Variants in SORCS2 observed in about 807,000 individuals in gnomAD.
The protein encoded by SORCS2 is sortilin related VPS10 domain containing receptor 2.
Under a neutral mutation model 141.6 loss-of-function variants are expected in SORCS2, and 100 were observed. The ratio of observed to expected loss-of-function variants is 0.71; its 90% confidence interval spans 0.60 to 0.83. The LOEUF is 0.83. Ranked by LOEUF, SORCS2 falls within the 40% of genes least tolerant of loss-of-function variation. The pLI is 0.00. For missense variants in SORCS2, 1,646 were observed against 1,560.2 expected (o/e 1.05, Z -0.93); for synonymous variants, 789 against 676.9 (o/e 1.17, Z -2.57).
intron 11 of SORCS2, among the ~76,000 whole-genome samples, chr4:7,690,118 A>T (rs1280073573): frequency 6.9e-6 from 1 of 144,740 alleles, no homozygotes; most frequent in Non-Finnish European, 1.5e-5. Flanking sequence ...TGATGGATGG[A>T]TGATGGTGGA....
chr4:7,686,235 A>G lies in SORCS2; in HGVS notation c.1489-3251A>G, dbSNP rs76499363. Among the ~76,000 whole-genome samples the G allele has an allele frequency of 6.2e-3, 941 of 152,320 alleles. 7 individuals are homozygous for G. Among genetic ancestry groups the G allele is most frequent in the African/African-American group, 0.022 (902 of 41,564 alleles). ...TTAGGATGATTCAGCTTCATTGGAA[A>G]GTGGTTTGAATCTGTTTGCATCTTG... On this transcript the variant is annotated intron_variant, in intron 10 of 26. Coordinates refer to ENST00000507866, the MANE Select transcript of SORCS2 (RefSeq NM_020777.3).
intron 3 of SORCS2, among the ~76,000 whole-genome samples, chr4:7,536,323 C>T (rs1712124410): frequency 6.6e-6 from 1 of 152,200 alleles, no homozygotes. Context: ...GCCCGGCACA[C>T]AGTTTGATAG....
At chr4:7,319,722 C>CA (rs1400841520) in intron 1 of SORCS2, among the ~76,000 whole-genome samples, 2 of 152,008 alleles carry the variant, frequency 1.3e-5, no homozygotes, top group Non-Finnish European at 2.9e-5. Context: ...TCTAAAAAAA[C>CA]AAAAAACACA....
intron 11 of SORCS2, 62 bp downstream of exon 11, chr4:7,689,650 C>A (rs1560485498): frequency 6.9e-6 from 10 of 1,456,720 alleles, no homozygotes; most frequent in Non-Finnish European, 3.7e-6. Flanking sequence ...TACCTCCAAT[C>A]TTAAGGGTAA....
chr4:7,270,301 G>A (rs76032563), intron 1 of SORCS2, among the ~76,000 whole-genome samples: 2,189 of 152,392 alleles, frequency 0.014, 27 homozygotes, highest in Non-Finnish European at 0.023. Flanking sequence ...GCACCCGCCA[G>A]TGTGCTGCGT....
intron 2 of SORCS2, among the ~76,000 whole-genome samples, chr4:7,486,674 G>A (rs1351141651): frequency 6.6e-6 from 1 of 152,160 alleles, no homozygotes; most frequent in African/African-American, 2.4e-5. Flanking sequence ...GTGTCTGCAA[G>A]GCATGCTCCC....
intron 1 of SORCS2, among the ~76,000 whole-genome samples, chr4:7,229,929 C>G (rs983862361): frequency 6.8e-5 from 9 of 132,706 alleles, no homozygotes; most frequent in Non-Finnish European, 3.2e-5. Context: ...GTCTTCGAGT[C>G]TCTGGGCAGG....
chr4:7,242,483 G>A (rs1712770354), intron 1 of SORCS2, among the ~76,000 whole-genome samples: 1 of 151,964 alleles, frequency 6.6e-6, no homozygotes, highest in Non-Finnish European at 1.5e-5. Flanking sequence ...GGATTATAGT[G>A]TGAGCCACTG....
intron 3 of SORCS2, among the ~76,000 whole-genome samples, chr4:7,547,586 C>T (rs1713357814): frequency 6.6e-6 from 1 of 152,258 alleles, no homozygotes; most frequent in Non-Finnish European, 1.5e-5. Context: ...ACCTTCCCCA[C>T]CCCATTCTTT....
chr4:7,547,764 C>G lies in SORCS2; in HGVS notation c.648+16135C>G, dbSNP rs1355038560. Among the ~76,000 whole-genome samples the G allele has an allele frequency of 2.0e-5, 3 of 152,242 alleles. No individual in the cohort carries two copies. In the East Asian group the frequency reaches 5.8e-4, roughly 29 times the overall value. ...GACCTGCATGTGCCTGTCTGGGGCT[C>G]TGCATCTGTCTTCCTTACCCCACAG... is the stretch of plus-strand genomic sequence containing the variant. On this transcript the variant is annotated intron_variant, in intron 3 of 26. Transcript: ENST00000507866.
chr4:7,638,556 G>A lies in SORCS2; in HGVS notation c.813+64G>A. ...TGGGGTCTGCTCGACCCACCTGGAGGTGAGTGCCCACTTGGAGCAAGTGGG... is the reference window on the plus strand; with the variant it reads ...TGGGGTCTGCTCGACCCACCTGGAGATGAGTGCCCACTTGGAGCAAGTGGG... On this transcript the variant is annotated intron_variant, in intron 4 of 26. Coordinates refer to ENST00000507866, the MANE Select transcript of SORCS2 (RefSeq NM_020777.3). 5 of 1,521,838 alleles carry A rather than the reference G, an allele frequency of 3.3e-6. No homozygotes were observed. In the South Asian group the frequency reaches 6.2e-5, roughly 19 times the overall value. 94.3% of individuals were successfully genotyped at this position (1,521,838 alleles called of 1,614,324 possible). A position where few individuals can be genotyped will look rare whatever the true frequency, so the allele number is the denominator to read the frequency against.
chr4:7,480,433 G>GC (rs1338033006), intron 2 of SORCS2, among the ~76,000 whole-genome samples: 1 of 150,224 alleles, frequency 6.7e-6, no homozygotes, highest in Non-Finnish European at 1.5e-5. Flanking sequence ...CAAAAATACA[G>GC]CCCGGGGGGT....
chr4:7,268,467 GA>G (rs1714895341), intron 1 of SORCS2, among the ~76,000 whole-genome samples: 1 of 152,200 alleles, frequency 6.6e-6, no homozygotes, highest in Non-Finnish European at 1.5e-5. Flanking sequence ...CCGTCAAACT[GA>G]AGGAAGCTGT....
chr4:7,639,461 G>T (rs561792609), intron 4 of SORCS2, among the ~76,000 whole-genome samples: 5 of 151,402 alleles, frequency 3.3e-5, no homozygotes, highest in Non-Finnish European at 7.4e-5. Context: ...CATGTGTGTG[G>T]GTGTGTCAGT....
At chr4:7,321,493 A>G (rs1235147877) in intron 1 of SORCS2, among the ~76,000 whole-genome samples, 1 of 152,248 alleles carries the variant, frequency 6.6e-6, no homozygotes, top group African/African-American at 2.4e-5. Context: ...CAGGCTGAGA[A>G]TCAAATCAAG....
At chr4:7,629,784 A>C (rs917509699) in intron 3 of SORCS2, among the ~76,000 whole-genome samples, 2 of 151,776 alleles carry the variant, frequency 1.3e-5, no homozygotes, top group African/African-American at 4.8e-5. Flanking sequence ...ACTTGGGTGT[A>C]CCTCAGGAAC....
chr4:7,233,783 C>G lies in SORCS2; in HGVS notation c.480+40657C>G, dbSNP rs551423623. Among the ~76,000 whole-genome samples, 2 of 152,186 alleles carry G rather than the reference C, an allele frequency of 1.3e-5. No homozygotes were observed. Among genetic ancestry groups the G allele is most frequent in the African/African-American group, 4.8e-5 (2 of 41,438 alleles). ...CCTCAGGCGAGCCTGTACTCCTGCA[C>G]GCCTCAGTTTTCCTGTCTGTAAAAT... On this transcript the variant is annotated intron_variant, in intron 1 of 26. Transcript: ENST00000507866. This position sits in a 1 kb window ranked among gnomAD's most constrained non-coding sequence, Gnocchi z 4.5.
At chr4:7,710,689 C>T (rs1725771974) in intron 14 of SORCS2, among the ~76,000 whole-genome samples, 2 of 152,178 alleles carry the variant, frequency 1.3e-5, no homozygotes, top group South Asian at 4.1e-4. Flanking sequence ...ATCACGGGTG[C>T]CCTGGAGCCA....
intron 18 of SORCS2, 33 bp from the exon 19 acceptor site, chr4:7,723,664 A>G: frequency 6.2e-7 from 1 of 1,611,576 alleles, no homozygotes; most frequent in Non-Finnish European, 8.5e-7. Flanking sequence ...TTCAAGGCCC[A>G]CTCCTGAGTG....
Sources: gnomAD v4.1 joint callset for allele counts (sites outside exome capture counted in the v4.1 genomes callset) on GRCh38, gnomAD v4.1.1 for gene constraint, Gnocchi (gnomAD v3.1) non-coding constraint, MANE v1.5 for transcripts, NCBI Gene and HGNC (gene_info 2026-07-23, HGNC 2026-07-21) for gene names.